The following CTSB variants were observed in gnomAD, a reference collection of about 807,000 sequenced individuals.
The protein encoded by CTSB is APP secretase.
Under a neutral mutation model 44.3 loss-of-function variants are expected in CTSB, and 57 were observed. That is an observed-to-expected ratio of 1.29 (90% CI 1.04 to 1.60). The LOEUF (loss-of-function observed/expected upper bound fraction) is 1.60. Ranked by LOEUF, CTSB falls within the 40% of genes most tolerant of loss-of-function variation. The probability of loss-of-function intolerance (pLI) is 0.00; values close to 1 mark genes in which losing one functional copy is unlikely to be tolerated. For synonymous variants in CTSB, 320 were observed against 168.0 expected (o/e 1.91, Z -7.00); for missense variants, 768 against 443.0 (o/e 1.73, Z -6.59).
intron 1 of CTSB, chr8:11,862,452 G>C (rs1242969310): frequency 6.6e-6 from 1 of 152,232 alleles, no homozygotes; most frequent in Non-Finnish European, 1.5e-5. Context: ...GCATCCCAGA[G>C]TCATCATTTC....
intron 1 of CTSB, chr8:11,862,518 G>T (rs1029100276): frequency 1.3e-5 from 2 of 152,214 alleles, no homozygotes; most frequent in Non-Finnish European, 2.9e-5. Context: ...TACTATCAGT[G>T]ACAAGGCCTT....
chr8:11,859,093 C>T (rs1815973233), intron 1 of CTSB, among the ~76,000 whole-genome samples: 1 of 152,104 alleles, frequency 6.6e-6, no homozygotes, highest in Non-Finnish European at 1.5e-5. Flanking sequence ...ACCTGAGTTC[C>T]AGTGCACCCC....
intron 5 of CTSB, chr8:11,848,398 G>A (rs756592772): frequency 2.0e-5 from 13 of 638,146 alleles, no homozygotes; most frequent in East Asian, 1.2e-4. Flanking sequence ...AGGCTCTCCT[G>A]TTCATGTCCA....
At chr8:11,861,129 A>G (rs768005410) in intron 1 of CTSB, among the ~76,000 whole-genome samples, 3 of 152,216 alleles carry the variant, frequency 2.0e-5, no homozygotes, top group Non-Finnish European at 2.9e-5. Flanking sequence ...GACAAAAACA[A>G]AATCCAAAGG....
intron 1 of CTSB, among the ~76,000 whole-genome samples, chr8:11,861,765 T>C (rs894012507): frequency 6.6e-5 from 10 of 152,336 alleles, no homozygotes; most frequent in Non-Finnish European, 1.3e-4. Context: ...TAAAAGCTTT[T>C]AGAGATCCTT....
At chr8:11,863,825 G>A (rs749582940) in intron 1 of CTSB, among the ~76,000 whole-genome samples, 3 of 152,166 alleles carry the variant, frequency 2.0e-5, no homozygotes, top group Non-Finnish European at 4.4e-5. Context: ...ACACTGCTGG[G>A]CGAGTAAATT....
chr8:11,845,599 A>C (rs1813150800), intron 9 of CTSB, 62 bp downstream of exon 9: 2 of 1,578,038 alleles, frequency 1.3e-6, no homozygotes, highest in Admixed American at 3.4e-5. Flanking sequence ...GAGAAAGCCG[A>C]GATGGCCACG....
rs1392405203 is a variant in CTSB at position 11,847,144 on chromosome 8, T to C, written c.701A>G (p.Asn234Ser). Residue 234 changes from asparagine (N) to serine (S), a missense_variant, in exon 8 of 10, where the codon AAT becomes AGT. Transcript: ENST00000353047. ...HYGYNSYSVSNSEKDIMAEIY... is the reference protein window; with the variant it reads ...HYGYNSYSVSSSEKDIMAEIY... ...CTCGGCCATGATGTCCTTCTCGCTA[T>C]TGGAGACGCTGTAGGAATTGTATCC... is the stretch of plus-strand genomic sequence containing the variant. 3 of 1,599,486 alleles carry C rather than the reference T, an allele frequency of 1.9e-6. No homozygotes were observed. The highest frequency in any genetic ancestry group is 2.6e-6 in the Non-Finnish European group (3 of 1,172,984).
In CTSB at chr8:11,864,673, AT is replaced by A. The variant is rs1816869548; in HGVS notation, c.-26+3327del. Among the ~76,000 whole-genome samples, 3 of 152,162 alleles carry A rather than the reference AT, an allele frequency of 2.0e-5. No homozygotes were observed. In the South Asian group the frequency reaches 6.2e-4, roughly 32 times the overall value. On this transcript the variant is annotated intron_variant, in intron 1 of 9. Transcript: ENST00000353047. Reference sequence around the variant, plus strand: ...AGAGATTAGTTAAAAGTCTAAACACATGGCTGGGCACAGTGACTCACACCTG... The same window carrying A: ...AGAGATTAGTTAAAAGTCTAAACACAGGCTGGGCACAGTGACTCACACCTG...
At position 11,852,689 on chromosome 8, in the gene CTSB, G is replaced by T. The variant is rs746053844; in HGVS notation, c.133C>A (p.His45Asn). ...CTCATGTCCACGTTGTAGAAGTTGTGCCCGGCCTGGAAGAGAGTCACCCAC... is the reference window on the plus strand; with the variant it reads ...CTCATGTCCACGTTGTAGAAGTTGTTCCCGGCCTGGAAGAGAGTCACCCAC... ...NKRNTTWQAG[H>N]NFYNVDMSYL... The change falls in exon 3 of 10, where the codon CAC becomes AAC. Residue 45 changes from histidine (H) to asparagine (N), a missense_variant. His to Asn is a moderately conservative substitution (Grantham distance 68). Coordinates refer to ENST00000353047, the MANE Select transcript of CTSB (RefSeq NM_001908.5). 36 of 1,613,898 alleles carry T rather than the reference G, an allele frequency of 2.2e-5. No homozygotes were observed. Among genetic ancestry groups the T allele is most frequent in the Non-Finnish European group, 2.8e-5 (33 of 1,179,978 alleles).
chr8:11,843,465 T>C lies in CTSB; in HGVS notation c.*1660A>G, dbSNP rs1812633413. 1.3e-5 allele frequency: 2 copies of C among 152,192 alleles called. No individual in the cohort carries two copies. The highest frequency in any genetic ancestry group is 2.9e-5 in the Non-Finnish European group (2 of 68,056). The allele number at this position is 152,192 out of a possible 1,614,324, so 9.4% of individuals were successfully genotyped here. ...GGCAGGACAGTGGAATGATTGCTGG[T>C]TCTTCTAGTTTGCTCTATACCAAGA... On this transcript the variant is annotated 3_prime_UTR_variant, in exon 10 of 10. Coordinates refer to ENST00000353047, the MANE Select transcript of CTSB (RefSeq NM_001908.5).
chr8:11,848,889 A>T (rs1181534877), intron 5 of CTSB, among the ~76,000 whole-genome samples, 157 bp downstream of exon 5: 3 of 152,148 alleles, frequency 2.0e-5, no homozygotes, highest in African/African-American at 7.2e-5. Flanking sequence ...AGGAAGCAGC[A>T]GCCTTGCCAG....
Position 11,847,192 on chromosome 8 carries a change from G to A in CTSB, c.677-24C>T, listed in dbSNP as rs201239753. On this transcript the variant is annotated intron_variant, in intron 7 of 9. Transcript: ENST00000353047. ...TCCTGGAAAATGAACCGAGCTCGGG[G>A]TTGGGGAGGGCAGTGACCGTGCCTC... 426 of 1,500,800 alleles carry A rather than the reference G, an allele frequency of 2.8e-4. 2 individuals are homozygous for A. The highest frequency in any genetic ancestry group is 2.8e-4 in the Non-Finnish European group (303 of 1,078,016). The allele number at this position is 1,500,800 out of a possible 1,614,324, so 93.0% of individuals were successfully genotyped here.
intron 8 of CTSB, among the ~76,000 whole-genome samples, chr8:11,846,656 G>A (rs1376388769): frequency 2.6e-5 from 4 of 152,216 alleles, no homozygotes; most frequent in Admixed American, 6.5e-5. Flanking sequence ...GTCAGCCAGT[G>A]CAAACACGAA....
chr8:11,849,411 G>C, intron 4 of CTSB: 2 of 332,712 alleles, frequency 6.0e-6, no homozygotes, highest in Non-Finnish European at 6.0e-6. Context: ...CTCCCAAAGT[G>C]CTGGGATTAG....
intron 1 of CTSB, among the ~76,000 whole-genome samples, chr8:11,864,077 GAAAT>G (rs745918758): frequency 2.4e-4 from 37 of 152,254 alleles, no homozygotes; most frequent in Non-Finnish European, 4.1e-4. Flanking sequence ...TGTAGCAACA[GAAAT>G]AAATCTCACA....
chr8:11,847,370 G>A (rs1202400222), intron 7 of CTSB, among the ~76,000 whole-genome samples: 5 of 152,136 alleles, frequency 3.3e-5, no homozygotes, highest in Non-Finnish European at 7.4e-5. Flanking sequence ...ATGGGAGAAC[G>A]GAGCAATGAG....
Position 11,852,691 on chromosome 8 carries a change from C to T in CTSB, c.131G>A (p.Gly44Glu). 1 of 1,613,956 alleles carries T rather than the reference C, an allele frequency of 6.2e-7. No homozygotes were observed. The highest frequency in any genetic ancestry group is 8.5e-7 in the Non-Finnish European group (1 of 1,180,006). ...VNKRNTTWQA[G>E]HNFYNVDMSY... ...CATGTCCACGTTGTAGAAGTTGTGC[C>T]CGGCCTGGAAGAGAGTCACCCACTG... Residue 44 changes from glycine to glutamate, a missense_variant, in exon 3 of 10, where the codon GGG (glycine) becomes GAG (glutamate). Gly to Glu is a moderately conservative substitution (Grantham distance 98, BLOSUM62 -2). Coordinates refer to ENST00000353047, the MANE Select transcript of CTSB (RefSeq NM_001908.5).
chr8:11,848,277 G>A (rs747722311), intron 5 of CTSB, 125 bp from the exon 6 acceptor site: 49 of 817,932 alleles, frequency 6.0e-5, no homozygotes, highest in Non-Finnish European at 2.9e-5. Context: ...AGTGGTGCGA[G>A]CAGACCTCCC....
Sources: allele counts gnomAD v4.1 joint callset (sites outside exome capture counted in the v4.1 genomes callset), GRCh38; gene constraint gnomAD v4.1.1; transcripts MANE v1.5; gene names NCBI Gene and HGNC (gene_info 2026-07-23, HGNC 2026-07-21).